Variants in CCDC148 observed in about 807,000 individuals in gnomAD.
CCDC148 encodes coiled-coil domain-containing protein 148.
CCDC148 carries 89 observed loss-of-function variants against 85.7 expected under a neutral mutation model. The ratio of observed to expected loss-of-function variants is 1.04; its 90% CI spans 0.87 to 1.24. The LOEUF (loss-of-function observed/expected upper bound fraction) is 1.24, where lower values mean the gene tolerates loss of function less well. CCDC148 is among the 50% of genes most tolerant of loss of function. The pLI is 0.00. For synonymous variants in CCDC148, 230 were observed against 213.9 expected, an observed-to-expected ratio of 1.08 and a Z score of -0.66; for missense variants, 692 against 671.7, an observed-to-expected ratio of 1.03 and a Z score of -0.33.
At chr2:158,449,879 C>T (rs1008592659) in intron 1 of CCDC148, among the ~76,000 whole-genome samples, 1 of 152,338 alleles carries the variant, frequency 6.6e-6, no homozygotes, top group South Asian at 2.1e-4. Context: ...TTCATAGATG[C>T]ACTTTATCAC....
chr2:158,296,512 C>T (rs1330610334), intron 9 of CCDC148, among the ~76,000 whole-genome samples: 5 of 152,024 alleles, frequency 3.3e-5, no homozygotes, highest in Admixed American at 3.3e-4. Flanking sequence ...TGTAACTTCC[C>T]CTCCTAAATT....
chr2:158,443,515 A>AAAAAAAAAG, intron 1 of CCDC148, among the ~76,000 whole-genome samples: 1 of 100,900 alleles, frequency 9.9e-6, no homozygotes, highest in African/African-American at 3.4e-5. Context: ...AAAAAAAAAA[A>AAAAAAAAAG]AAAAAAAAGA....
chr2:158,259,619 G>C (rs934627035), intron 9 of CCDC148, among the ~76,000 whole-genome samples: 2 of 93,294 alleles, frequency 2.1e-5, no homozygotes, highest in Non-Finnish European at 5.2e-5. Flanking sequence ...CCCTGCTCAA[G>C]CCTCTTAATA....
chr2:158,311,409 G>A (rs1446976349), intron 8 of CCDC148, among the ~76,000 whole-genome samples: 5 of 151,740 alleles, frequency 3.3e-5, no homozygotes, highest in Admixed American at 3.3e-4. Flanking sequence ...GCAGTGAGCC[G>A]AGATCGCGGC....
intron 9 of CCDC148, among the ~76,000 whole-genome samples, chr2:158,288,092 T>G (rs1690717176): frequency 6.6e-6 from 1 of 152,176 alleles, no homozygotes; most frequent in Non-Finnish European, 1.5e-5. Flanking sequence ...TGGCCCCTTT[T>G]AGTTATGGCT....
chr2:158,285,783 G>A (rs570100345), intron 9 of CCDC148, among the ~76,000 whole-genome samples: 6 of 151,624 alleles, frequency 4.0e-5, no homozygotes, highest in South Asian at 2.1e-4. Flanking sequence ...TGATCCACCC[G>A]CCTCAGCCTC....
At chr2:158,376,936 A>G (rs1253281121) in intron 1 of CCDC148, among the ~76,000 whole-genome samples, 1 of 151,962 alleles carries the variant, frequency 6.6e-6, no homozygotes. Flanking sequence ...AGGGAGAGGC[A>G]GTGACTGAGG....
chr2:158,402,162 T>C (rs1685812919), intron 1 of CCDC148, among the ~76,000 whole-genome samples: 1 of 152,070 alleles, frequency 6.6e-6, no homozygotes, highest in African/African-American at 2.4e-5. Flanking sequence ...GAAGTGTTAT[T>C]CTCCTATTTT....
At chr2:158,207,186 T>C (rs1207251751) in intron 11 of CCDC148, among the ~76,000 whole-genome samples, 1 of 152,208 alleles carries the variant, frequency 6.6e-6, no homozygotes, top group African/African-American at 2.4e-5. Context: ...TGTGTAGAAG[T>C]AGAGGAATGG....
chr2:158,215,939 GAGACCCCT>G (rs1686828756), intron 11 of CCDC148, among the ~76,000 whole-genome samples: 1 of 152,150 alleles, frequency 6.6e-6, no homozygotes, highest in Non-Finnish European at 1.5e-5. Context: ...AAGCCAGGAA[GAGACCCCT>G]CACCAGAACC....
At chr2:158,443,402 G>A (rs187869182) in intron 1 of CCDC148, among the ~76,000 whole-genome samples, 4 of 151,184 alleles carry the variant, frequency 2.6e-5, no homozygotes, top group African/African-American at 9.7e-5. Flanking sequence ...TACTTAGCAG[G>A]CTGAGATGGC....
chr2:158,198,964 A>T (rs1405665697), intron 11 of CCDC148, among the ~76,000 whole-genome samples: 1 of 152,158 alleles, frequency 6.6e-6, no homozygotes, highest in Non-Finnish European at 1.5e-5. Context: ...AAGGGAGGAG[A>T]CCAAAACAAG....
At chr2:158,205,456 G>A (rs1686190563) in intron 11 of CCDC148, among the ~76,000 whole-genome samples, 1 of 152,202 alleles carries the variant, frequency 6.6e-6, no homozygotes. Flanking sequence ...TTGTAGATAA[G>A]GAGGAGGGTG....
At chr2:158,312,508 G>C (rs1692071662) in intron 8 of CCDC148, among the ~76,000 whole-genome samples, 1 of 148,132 alleles carries the variant, frequency 6.8e-6, no homozygotes, top group Non-Finnish European at 1.5e-5. Context: ...CTTGAACCCA[G>C]GAGGGGGAGG....
At chr2:158,405,063 A>G (rs994944865) in intron 1 of CCDC148, among the ~76,000 whole-genome samples, 2 of 152,156 alleles carry the variant, frequency 1.3e-5, no homozygotes, top group Non-Finnish European at 2.9e-5. Context: ...TTTTTGAAAG[A>G]AAGGGAGAAA....
At chr2:158,429,070 T>G (rs1389999065) in intron 1 of CCDC148, among the ~76,000 whole-genome samples, 4 of 150,312 alleles carry the variant, frequency 2.7e-5, no homozygotes, top group East Asian at 2.0e-4. Context: ...CTCACTCATA[T>G]GTGGGAATTG....
intron 1 of CCDC148, among the ~76,000 whole-genome samples, chr2:158,435,599 A>C (rs1459678699): frequency 3.9e-5 from 6 of 152,202 alleles, no homozygotes; most frequent in African/African-American, 1.4e-4. Context: ...CTAACATCAT[A>C]ATGACAGGAT....
chr2:158,354,851 C>G (rs1168765409), intron 2 of CCDC148, among the ~76,000 whole-genome samples: 3 of 151,312 alleles, frequency 2.0e-5, no homozygotes, highest in Non-Finnish European at 4.4e-5. Flanking sequence ...CAAAACGAAT[C>G]CAGCAGCACA....
intron 1 of CCDC148, among the ~76,000 whole-genome samples, chr2:158,380,070 A>C (rs1464696393): frequency 1.3e-5 from 2 of 152,122 alleles, no homozygotes; most frequent in Non-Finnish European, 2.9e-5. Flanking sequence ...ATAGGTGTGT[A>C]CCACTGCAGC....
Sources: allele counts gnomAD v4.1 joint callset (sites outside exome capture counted in the v4.1 genomes callset), GRCh38; gene constraint gnomAD v4.1.1; transcripts MANE v1.5; gene names NCBI Gene and HGNC (gene_info 2026-07-23, HGNC 2026-07-21).